ACTN3: variants seen among roughly 807,000 people sequenced by gnomAD.
ACTN3 encodes alpha-actinin-3.
ACTN3 carries 91 observed loss-of-function variants against 119.6 expected under a neutral mutation model. The observed-to-expected ratio is 0.76, with a 90% CI of 0.64 to 0.91. ACTN3 has a LOEUF of 0.91. ACTN3 is among the 40% of genes least tolerant of loss of function. The pLI, the probability that ACTN3 is intolerant of heterozygous loss-of-function variation, is 0.00. For synonymous variants in ACTN3, 456 were observed against 478.8 expected (o/e 0.95, Z 0.62); for missense variants, 1,221 against 1,215.1 (o/e 1.00, Z -0.07).
At position 66,557,845 on chromosome 11, in the gene ACTN3, G is replaced by A; in HGVS notation, c.1044G>A (p.Leu348=). The A allele has an allele frequency of 6.2e-7, 1 of 1,614,220 alleles. No homozygotes were observed. Residue 348 remains leucine (L), a synonymous_variant, in exon 10 of 21, where the codon CTG becomes CTA. Coordinates refer to ENST00000513398, the MANE Select transcript of ACTN3 (RefSeq NM_001104.4). ...KPPRIQEKCQ[L]EINFNTLQTK... ...CCCGCATTCAGGAAAAGTGCCAGCT[G>A]GAGATCAACTTCAACACACTGCAGA...
At chr11:66,559,947 C>T (rs997593478) in intron 12 of ACTN3, 21 bp from the exon 13 acceptor site, 3 of 1,572,442 alleles carry the variant, frequency 1.9e-6, no homozygotes, top group East Asian at 4.7e-5. Context: ...GCCCCACACT[C>T]GCCCTACTTC....
chr11:66,559,197 C>A (rs529859950), intron 11 of ACTN3, 39 bp from the exon 12 acceptor site: 3 of 1,447,072 alleles, frequency 2.1e-6, no homozygotes, highest in East Asian at 2.7e-5. Context: ...CCTGCCCCTG[C>A]CGCCACTGGG....
At chr11:66,552,851 G>GTCTCTCTCTCTC (rs564902238) in intron 3 of ACTN3, among the ~76,000 whole-genome samples, 1 of 131,278 alleles carries the variant, frequency 7.6e-6, no homozygotes, top group South Asian at 2.5e-4. Flanking sequence ...GAGAGACTCT[G>GTCTCTCTCTCTC]TCTCTCTCTC....
In ACTN3 at chr11:66,555,276, A is replaced by G; in HGVS notation, c.637-10A>G. On this transcript the variant is annotated splice_polypyrimidine_tract_variant and intron_variant, in intron 6 of 20. Coordinates refer to ENST00000513398, the MANE Select transcript of ACTN3 (RefSeq NM_001104.4). ...CTGACCTTTCACCCTCCTCCCTTAC[A>G]CCCTTCTAGGATGACCCCATCGGAA... 1 of 1,613,314 alleles carries G rather than the reference A, an allele frequency of 6.2e-7. No homozygotes were observed. The highest frequency in any genetic ancestry group is 2.2e-5 in the East Asian group (1 of 44,838).
chr11:66,558,979 G>C, intron 11 of ACTN3: 3 of 376,876 alleles, frequency 8.0e-6, no homozygotes, highest in Non-Finnish European at 1.4e-5. Flanking sequence ...CTATTTTAAG[G>C]TCAAATTATG....
chr11:66,562,845 C>T lies in ACTN3; in HGVS notation c.2438C>T (p.Ala813Val). The change falls in exon 20 of 21, where the codon GCT becomes GTT. Residue 813 changes from alanine (A) to valine (V), a missense_variant. By Grantham distance (64) the Ala-to-Val change is moderately conservative (BLOSUM62 0). Around this residue, in one of 3 missense-constraint regions of ACTN3, gnomAD observed 934 missense variants for 899.9 expected, o/e 1.04. Coordinates refer to ENST00000513398, the MANE Select transcript of ACTN3 (RefSeq NM_001104.4). ...RIMTMVDPNA[A>V]GVVTFQAFID... ...ATGACCATGGTGGACCCCAACGCAG[C>T]TGGGGTGGTGACCTTCCAGGCCTTC... 1 of 1,613,824 alleles carries T rather than the reference C, an allele frequency of 6.2e-7. No homozygotes were observed.
At chr11:66,554,000 A>G (rs1351751185) in intron 3 of ACTN3, 45 bp from the exon 4 acceptor site, 2 of 1,567,496 alleles carry the variant, frequency 1.3e-6, no homozygotes, top group South Asian at 1.1e-5. Context: ...GATAGCACAG[A>G]CCTTGAATGC....
chr11:66,560,415 A>C (rs918106542), intron 14 of ACTN3, 104 bp downstream of exon 14: 1 of 1,492,632 alleles, frequency 6.7e-7, no homozygotes, highest in African/African-American at 1.4e-5. Context: ...TGGGAGGAAA[A>C]CCCCAGTTCC....
chr11:66,546,674 C>A (rs183559947), upstream of ACTN3: 1 of 1,532,320 alleles, frequency 6.5e-7, no homozygotes, highest in African/African-American at 1.4e-5. Context: ...TTCTCAAGGT[C>A]ACACAGCGCC....
chr11:66,559,017 C>CT (rs1421072401), intron 11 of ACTN3: 4 of 413,514 alleles, frequency 9.7e-6, no homozygotes, highest in African/African-American at 8.2e-5. Context: ...GCCCCCTGGA[C>CT]GTAGCTCGCT....
rs746316201 is a variant in ACTN3, at chr11:66,556,212, C to CT, written c.789dup (p.Ala264CysfsTer4). ...CCTATGTGTCCTGCTTCTACCATGC[C>CT]TTTGCCGGGGCTGAGCAGGTAAGGC... On this transcript the variant is annotated frameshift_variant, in exon 8 of 21. Transcript: ENST00000513398. LOFTEE classifies it high-confidence loss of function. 117 of 1,613,786 alleles carry CT rather than the reference C, an allele frequency of 7.3e-5. No individual in the cohort carries two copies. Among genetic ancestry groups the CT allele is most frequent in the Non-Finnish European group, 8.5e-5 (100 of 1,179,912 alleles).
chr11:66,555,486 C>T (rs1857573286), intron 7 of ACTN3, 119 bp downstream of exon 7: 3 of 981,084 alleles, frequency 3.1e-6, no homozygotes, highest in South Asian at 3.0e-5. Context: ...CCCCACCCCA[C>T]TCCCTGGTCA....
Position 66,558,033 on chromosome 11 carries a change from G to T in ACTN3, c.1135G>T (p.Ala379Ser). The T allele has an allele frequency of 6.2e-7, 1 of 1,613,802 alleles. No homozygotes were observed. The highest frequency in any genetic ancestry group is 8.5e-7 in the Non-Finnish European group (1 of 1,179,862). The change falls in exon 11 of 21, where the codon GCC (alanine) becomes TCC (serine). Residue 379 changes from alanine to serine, a missense_variant. Around this residue, in one of 3 missense-constraint regions of ACTN3, gnomAD observed 934 missense variants for 899.9 expected, o/e 1.04. Transcript: ENST00000513398. ...PSEGKLVSDI[A>S]NAWRGLEQVE... is the part of the protein sequence containing the mutation. ...ACCCCTGCCTGCTCCACAGGACATCGCCAACGCCTGGCGGGGGCTGGAGCA... is the reference window on the plus strand; with the variant it reads ...ACCCCTGCCTGCTCCACAGGACATCTCCAACGCCTGGCGGGGGCTGGAGCA...
intron 2 of ACTN3, 40 bp downstream of exon 2, chr11:66,551,393 A>C: frequency 1.3e-6 from 2 of 1,577,894 alleles, no homozygotes; most frequent in Non-Finnish European, 1.7e-6. Context: ...CCCAGGACCC[A>C]GGAACATCTG....
chr11:66,549,369 G>A (rs1373486540), intron 1 of ACTN3, among the ~76,000 whole-genome samples: 2 of 152,078 alleles, frequency 1.3e-5, no homozygotes, highest in African/African-American at 2.4e-5. Flanking sequence ...CTCTTACAGC[G>A]CTTCTCAGAC....
rs1590811032 is a variant in ACTN3 at position 66,560,290 on chromosome 11, A to G, written c.1656A>G (p.Val552=). The G allele has an allele frequency of 6.2e-7, 1 of 1,613,240 alleles. No individual in the cohort carries two copies. The highest frequency in any genetic ancestry group is 8.5e-7 in the Non-Finnish European group (1 of 1,179,664). ...AVEDLQDVWL[V]HSVEETQSLL... The stretch of plus-strand genomic sequence containing the variant: ...AGGACCTGCAGGACGTGTGGCTGGT[A>G]CACTCTGTGGAGGAGACCCAGGTGG... Residue 552 remains valine, a synonymous_variant, in exon 14 of 21, where the codon GTA becomes GTG. Coordinates refer to ENST00000513398, the MANE Select transcript of ACTN3 (RefSeq NM_001104.4).
At chr11:66,553,365 C>A (rs776842569) in intron 3 of ACTN3, among the ~76,000 whole-genome samples, 4 of 151,536 alleles carry the variant, frequency 2.6e-5, no homozygotes, top group Non-Finnish European at 5.9e-5. Context: ...ACCAGCCAGG[C>A]CAACATGGTG....
At chr11:66,548,630 T>C (rs1265560953) in intron 1 of ACTN3, among the ~76,000 whole-genome samples, 2 of 152,156 alleles carry the variant, frequency 1.3e-5, no homozygotes, top group African/African-American at 4.8e-5. Flanking sequence ...AACATCCTTG[T>C]GCTCAGCTTT....
chr11:66,549,364 A>G (rs1311229198), intron 1 of ACTN3, among the ~76,000 whole-genome samples: 1 of 152,142 alleles, frequency 6.6e-6, no homozygotes, highest in Non-Finnish European at 1.5e-5. Flanking sequence ...GCAACCTCTT[A>G]CAGCGCTTCT....
Sources: allele counts gnomAD v4.1 joint callset (sites outside exome capture counted in the v4.1 genomes callset), GRCh38; gene constraint gnomAD v4.1.1; regional missense constraint gnomAD v4.1.1; transcripts MANE v1.5; gene names NCBI Gene and HGNC (gene_info 2026-07-23, HGNC 2026-07-21).